Variants in GPR173 observed in about 807,000 individuals in gnomAD.
GPR173 encodes the protein probable G protein-coupled receptor 173.
GPR173 carries 2 observed loss-of-function variants against 13.9 expected under a neutral mutation model. The ratio of observed to expected loss-of-function variants is 0.14; its 90% CI spans 0.06 to 0.45. The LOEUF (loss-of-function observed/expected upper bound fraction) is 0.45. Among genes scored for constraint, GPR173 ranks in the 20% least tolerant of loss-of-function variants. The probability of loss-of-function intolerance (pLI) is 0.98; values close to 1 mark genes in which losing one functional copy is unlikely to be tolerated. For missense variants in GPR173, 202 were observed against 340.5 expected, an observed-to-expected ratio of 0.59 and a Z score of 3.20; for synonymous variants, 131 against 141.0, an observed-to-expected ratio of 0.93 and a Z score of 0.50.
At chrX:53,066,806 A>G (rs1172011376) in intron 1 of GPR173, among the ~76,000 whole-genome samples, 1 of 111,478 alleles carries the variant, frequency 9.0e-6, no homozygotes, top group Non-Finnish European at 1.9e-5. Context: ...TACTGATCCC[A>G]GTTCCTTACA....
rs782694432 is a variant in GPR173, at chrX:53,058,887, C to T, written c.-98+9403C>T. Among the ~76,000 whole-genome samples, 3 of 103,133 alleles carry T rather than the reference C, an allele frequency of 2.9e-5. No homozygotes were observed. In the East Asian group the frequency reaches 8.8e-4, roughly 30 times the overall value. 89.6% of individuals were successfully genotyped at this position (103,133 alleles called of 115,157 possible). ...GCCTATGTAAATGGCGAACGCATTT[C>T]GCCTAGACCTGTATTCCTTTTTTTT... On this transcript the variant is annotated intron_variant, in intron 1 of 1. Transcript: ENST00000332582.
chrX:53,065,838 G>A (rs1328460600), intron 1 of GPR173, among the ~76,000 whole-genome samples: 1 of 111,945 alleles, frequency 8.9e-6, no homozygotes, highest in African/African-American at 3.2e-5. Flanking sequence ...GGTGGCTCAT[G>A]CCTGTAATAC....
intron 1 of GPR173, among the ~76,000 whole-genome samples, chrX:53,074,741 A>G (rs1377654429): frequency 1.1e-5 from 1 of 93,735 alleles, no homozygotes; most frequent in Non-Finnish European, 2.0e-5. Context: ...TTATATATAA[A>G]TATAATTATA....
intron 1 of GPR173, among the ~76,000 whole-genome samples, chrX:53,064,643 G>T (rs1312075309): frequency 9.0e-6 from 1 of 110,957 alleles, no homozygotes; most frequent in Non-Finnish European, 1.9e-5. Context: ...AAGATCATGT[G>T]GCTACATCTG....
At chrX:53,051,580 G>T (rs1569220172) in intron 1 of GPR173, among the ~76,000 whole-genome samples, 3 of 110,657 alleles carry the variant, frequency 2.7e-5, no homozygotes, top group Non-Finnish European at 5.7e-5. Context: ...GCTTGTGTGT[G>T]TACTGTGGGG....
At chrX:53,076,253 C>T (rs1407047117) in intron 1 of GPR173, among the ~76,000 whole-genome samples, 1 of 110,501 alleles carries the variant, frequency 9.0e-6, no homozygotes, top group Non-Finnish European at 1.9e-5. Context: ...TTCTCATGGT[C>T]TCCTGTCTGT....
At chrX:53,065,472 A>C (rs1309621214) in intron 1 of GPR173, 1 of 111,992 alleles carries the variant, frequency 8.9e-6, no homozygotes, top group East Asian at 2.8e-4. Context: ...CTTTCTTAAG[A>C]AATGGAACAA....
chrX:53,053,230 C>T (rs1173512462), intron 1 of GPR173, among the ~76,000 whole-genome samples: 1 of 112,625 alleles, frequency 8.9e-6, no homozygotes, highest in Non-Finnish European at 1.9e-5. Context: ...CATATCTATA[C>T]TTCATGTCAT....
At chrX:53,076,494 C>G in intron 1 of GPR173, 31 bp from the exon 2 acceptor site, 3 of 465,372 alleles carry the variant, frequency 6.4e-6, no homozygotes, top group Non-Finnish European at 1.1e-5. Flanking sequence ...CTCTCTGTGT[C>G]TGTGTCTCCC....
Position 53,052,587 on chromosome X carries a change from C to A in GPR173, c.-98+3103C>A, listed in dbSNP as rs782498228. ...TCCATACACATATGTCCACACACAT[C>A]TGTCCACACACACACGTGTGTGTGT... is the stretch of plus-strand genomic sequence containing the variant. On this transcript the variant is annotated intron_variant, in intron 1 of 1. Coordinates refer to ENST00000332582, the MANE Select transcript of GPR173 (RefSeq NM_018969.6). 3.6e-3 allele frequency among the ~76,000 whole-genome samples: 360 copies of A among 100,955 alleles called. 4 individuals are homozygous for A. Among genetic ancestry groups the A allele is most frequent in the Non-Finnish European group, 3.1e-3 (157 of 51,097 alleles). 87.7% of individuals were successfully genotyped at this position (100,955 alleles called of 115,157 possible).
rs782437568 is a variant in GPR173, at chrX:53,077,260, T to C, written c.639T>C (p.Arg213=). 1.0e-3 allele frequency: 1,208 copies of C among 1,184,078 alleles called. 9 individuals carry two copies. In the South Asian group the frequency reaches 0.021, roughly 20 times the overall value. ...GCAAGCTGCTCCTCTTCGAGTATCG[T>C]CACCGCAAGATGAAGCCAGTGCAGA... is the stretch of plus-strand genomic sequence containing the variant. The part of the protein sequence containing the change: ...VYGKLLLFEY[R]HRKMKPVQMV... The change falls in exon 2 of 2, where the codon CGT becomes CGC. Residue 213 remains arginine (R), a synonymous_variant. Coordinates refer to ENST00000332582, the MANE Select transcript of GPR173 (RefSeq NM_018969.6).
intron 1 of GPR173, chrX:53,065,480 C>G (rs149943064): frequency 2.9e-4 from 33 of 111,980 alleles, no homozygotes; most frequent in African/African-American, 1.1e-3. Flanking sequence ...AGAAATGGAA[C>G]AACTGCTTAT....
intron 1 of GPR173, among the ~76,000 whole-genome samples, chrX:53,061,853 A>G (rs1932129160): frequency 9.0e-6 from 1 of 110,734 alleles, no homozygotes; most frequent in East Asian, 2.8e-4. Context: ...TCTGGAGGCT[A>G]GGAAGTCCAA....
chrX:53,075,605 T>TA (rs1437220367), intron 1 of GPR173, among the ~76,000 whole-genome samples: 1 of 109,000 alleles, frequency 9.2e-6, no homozygotes, highest in East Asian at 2.8e-4. Flanking sequence ...TATTCACACA[T>TA]ACTTGCCTCC....
At chrX:53,075,450 A>T (rs1470942318) in intron 1 of GPR173, among the ~76,000 whole-genome samples, 1 of 103,260 alleles carries the variant, frequency 9.7e-6, no homozygotes, top group South Asian at 4.6e-4. Context: ...GTTATCTAGA[A>T]TGTCGGTTCC....
At position 53,064,156 on chromosome X, in the gene GPR173, G is replaced by A. The variant is rs191556103; in HGVS notation, c.-97-12369G>A. On this transcript the variant is annotated intron_variant, in intron 1 of 1. Coordinates refer to ENST00000332582, the MANE Select transcript of GPR173 (RefSeq NM_018969.6). ...TCTTTCAACCTCTACCCATTACCCAGTTCCAAAGCCACTTCCACATTTTCA... is the reference window on the plus strand; with the variant it reads ...TCTTTCAACCTCTACCCATTACCCAATTCCAAAGCCACTTCCACATTTTCA... Among the ~76,000 whole-genome samples the A allele has an allele frequency of 8.8e-4, 98 of 111,421 alleles. 1 individual carries two copies. Among genetic ancestry groups the A allele is most frequent in the African/African-American group, 3.1e-3 (94 of 30,673 alleles).
chrX:53,076,587 C>T lies in GPR173; in HGVS notation c.-35C>T, dbSNP rs782444470. On this transcript the variant is annotated 5_prime_UTR_variant, in exon 2 of 2. Transcript: ENST00000332582. ...GCCCATCGAGTACCGGACTGGCTGA[C>T]CCCCTAGGGTTGGCAGTAGCCCCTG... The T allele has an allele frequency of 2.5e-5, 28 of 1,140,106 alleles. No individual in the cohort carries two copies. The East Asian group carries it at 6.0e-4, about 25-fold the overall frequency. The allele number at this position is 1,140,106 out of a possible 1,213,427, so 94.0% of individuals were successfully genotyped here. A position where few individuals can be genotyped will look rare whatever the true frequency, so the allele number is the denominator to read the frequency against.
Position 53,076,536 on chromosome X carries a change from C to G in GPR173, c.-86C>G, listed in dbSNP as rs782241633. On this transcript the variant is annotated 5_prime_UTR_variant, in exon 2 of 2. Coordinates refer to ENST00000332582, the MANE Select transcript of GPR173 (RefSeq NM_018969.6). ...ATTCCCATTTGCAGGTGCAATGTAG[C>G]AGGACAACTCATGGAGCCCCCCCGG... The G allele has an allele frequency of 2.5e-5, 18 of 707,205 alleles. No homozygotes were observed. The highest frequency in any genetic ancestry group is 4.4e-5 in the African/African-American group (2 of 45,863). 58.3% of individuals were successfully genotyped at this position (707,205 alleles called of 1,213,427 possible).
chrX:53,054,980 G>A (rs782456059), intron 1 of GPR173, among the ~76,000 whole-genome samples: 1 of 109,152 alleles, frequency 9.2e-6, no homozygotes, highest in African/African-American at 3.4e-5. Flanking sequence ...GAGAATTTGG[G>A]CACATCTGGG....
Sources: allele counts gnomAD v4.1 joint callset (sites outside exome capture counted in the v4.1 genomes callset), GRCh38; gene constraint gnomAD v4.1.1; transcripts MANE v1.5; gene names NCBI Gene and HGNC (gene_info 2026-07-23, HGNC 2026-07-21).